KLHL22: variants seen among roughly 807,000 people sequenced by gnomAD.
The protein encoded by KLHL22 is kelch like family member 22, also known as kelch-like protein 22.
Under a neutral mutation model 60.7 loss-of-function variants are expected in KLHL22, and 18 were observed. The ratio of observed to expected loss-of-function variants is 0.30; its 90% CI spans 0.20 to 0.44. The LOEUF is 0.44. KLHL22 is among the 20% of genes least tolerant of loss of function. The pLI is 1.00. For missense variants in KLHL22, 596 were observed against 852.3 expected (o/e 0.70, Z 3.74); for synonymous variants, 355 against 354.5 (o/e 1.00, Z -0.01).
chr22:20,451,191 C>A, intron 5 of KLHL22: 1 of 1,596,952 alleles, frequency 6.3e-7, no homozygotes, highest in Non-Finnish European at 8.6e-7. Context: ...AGGATGGGGT[C>A]TGGTATTCTG....
intron 1 of KLHL22, chr22:20,491,580 C>CACAG (rs2053692387): frequency 6.6e-6 from 1 of 152,172 alleles, no homozygotes; most frequent in African/African-American, 2.4e-5. Flanking sequence ...GCAACTGTAA[C>CACAG]ACAATGGAAT....
intron 6 of KLHL22, among the ~76,000 whole-genome samples, chr22:20,443,747 C>T (rs2052806821): frequency 6.7e-6 from 1 of 148,178 alleles, no homozygotes; most frequent in Non-Finnish European, 1.5e-5. Context: ...AACAAACAAA[C>T]AAAAAAAGTG....
At chr22:20,490,135 C>T (rs1238765426) in intron 1 of KLHL22, among the ~76,000 whole-genome samples, 2 of 152,204 alleles carry the variant, frequency 1.3e-5, no homozygotes, top group Non-Finnish European at 2.9e-5. Flanking sequence ...GCTGCAGGCT[C>T]TGTAGGCACA....
intron 2 of KLHL22, among the ~76,000 whole-genome samples, chr22:20,476,912 G>A (rs2146257479): frequency 6.8e-6 from 1 of 146,142 alleles, no homozygotes; most frequent in South Asian, 2.2e-4. Flanking sequence ...TCACCATGTT[G>A]GTCAGACTGG....
chr22:20,479,065 G>A (rs922669598), intron 2 of KLHL22, among the ~76,000 whole-genome samples: 1 of 151,186 alleles, frequency 6.6e-6, no homozygotes, highest in Non-Finnish European at 1.5e-5. Flanking sequence ...GGAGGTGGAG[G>A]TTGCAGTGAG....
rs552539191 is a variant in KLHL22 at position 20,480,549 on chromosome 22, A to G, written c.227+8436T>C. ...CTGGTGTGAGATGGGGGAGAAAAAT[A>G]TTTCTTGGGTCAGCTTGTTCAGGTC... is the stretch of plus-strand genomic sequence containing the variant. On this transcript the variant is annotated intron_variant, in intron 2 of 6. Transcript: ENST00000328879. 1.1e-4 allele frequency among the ~76,000 whole-genome samples: 16 copies of G among 152,166 alleles called. No homozygotes were observed. The South Asian group carries it at 1.5e-3, about 14-fold the overall frequency.
intron 2 of KLHL22, chr22:20,488,453 GC>G: frequency 4.3e-5 from 7 of 163,530 alleles, no homozygotes; most frequent in South Asian, 1.6e-4. Context: ...CATGTCAGGT[GC>G]TAGGGATAAG....
chr22:20,445,131 G>A (rs780360132), intron 6 of KLHL22, among the ~76,000 whole-genome samples: 50 of 151,964 alleles, frequency 3.3e-4, no homozygotes, highest in Non-Finnish European at 6.3e-4. Context: ...AACATACACG[G>A]TCAATGCTGA....
At chr22:20,476,740 C>T (rs2053421471) in intron 2 of KLHL22, among the ~76,000 whole-genome samples, 1 of 109,432 alleles carries the variant, frequency 9.1e-6, no homozygotes, top group Non-Finnish European at 1.8e-5. Flanking sequence ...CAGAGTCTCG[C>T]TCTTGTTGCC....
chr22:20,488,097 C>T (rs1572877), intron 2 of KLHL22, among the ~76,000 whole-genome samples: 2 of 152,114 alleles, frequency 1.3e-5, no homozygotes, highest in South Asian at 4.2e-4. Flanking sequence ...GGCACTTAAA[C>T]CATACATATT....
At chr22:20,448,388 AT>A (rs2052913944) in intron 5 of KLHL22, among the ~76,000 whole-genome samples, 1 of 152,208 alleles carries the variant, frequency 6.6e-6, no homozygotes, top group South Asian at 2.1e-4. Context: ...GGTCCCCAGC[AT>A]TTCAGATAAA....
chr22:20,443,795 C>T (rs1307217146), intron 6 of KLHL22, among the ~76,000 whole-genome samples: 1 of 151,902 alleles, frequency 6.6e-6, no homozygotes, highest in Non-Finnish European at 1.5e-5. Context: ...CGCCTGTAAT[C>T]CTAGCACTTT....
chr22:20,483,568 C>T (rs2053539479), intron 2 of KLHL22: 4 of 726,508 alleles, frequency 5.5e-6, no homozygotes, highest in South Asian at 1.4e-5. Context: ...ATGTATGTCG[C>T]TCTCCACAGA....
At chr22:20,445,208 A>AT (rs57956195) in intron 6 of KLHL22, among the ~76,000 whole-genome samples, 8,563 of 120,448 alleles carry the variant, frequency 0.071, 316 homozygotes, top group Middle Eastern at 0.13. Context: ...ACCCTTCTCT[A>AT]TTTTTTTTTT....
chr22:20,490,435 G>T (rs1042596818), intron 1 of KLHL22, among the ~76,000 whole-genome samples: 1 of 151,996 alleles, frequency 6.6e-6, no homozygotes, highest in African/African-American at 2.4e-5. Flanking sequence ...AGTTCTGAAT[G>T]AAAAAAACAC....
intron 3 of KLHL22, among the ~76,000 whole-genome samples, chr22:20,470,345 T>C (rs1178450225): frequency 7.0e-6 from 1 of 143,048 alleles, no homozygotes; most frequent in Non-Finnish European, 1.5e-5. Flanking sequence ...TGAGACCCTG[T>C]CTTTAAAAAA....
chr22:20,450,892 C>T (rs1023034120), intron 5 of KLHL22: 2 of 1,612,578 alleles, frequency 1.2e-6, no homozygotes, highest in Non-Finnish European at 1.7e-6. Context: ...AAAGAAGTTT[C>T]ATCTGAGGCC....
At position 20,450,790 on chromosome 22, in the gene KLHL22, C is replaced by A. The variant is rs1034247443; in HGVS notation, c.1306-4114G>T. On this transcript the variant is annotated intron_variant, in intron 5 of 6. Transcript: ENST00000328879. Reference sequence around the variant, plus strand: ...CAGCCTGCTACAGTATATGCAGATGCCCCTGCTAACCCTCAGGTATATCAC... The same window carrying A: ...CAGCCTGCTACAGTATATGCAGATGACCCTGCTAACCCTCAGGTATATCAC... 33 of 1,382,974 alleles carry A rather than the reference C, an allele frequency of 2.4e-5. 1 individual carries two copies. In the East Asian group the frequency reaches 5.0e-4, roughly 21 times the overall value. The allele number at this position is 1,382,974 out of a possible 1,614,324, so 85.7% of individuals were successfully genotyped here. A position where few individuals can be genotyped will look rare whatever the true frequency, so the allele number is the denominator to read the frequency against.
chr22:20,475,475 C>T (rs2053396427), intron 2 of KLHL22, among the ~76,000 whole-genome samples: 1 of 152,008 alleles, frequency 6.6e-6, no homozygotes, highest in South Asian at 2.1e-4. Flanking sequence ...TGTTGATCCA[C>T]CTGTAATTTA....
Sources: gnomAD v4.1 joint callset for allele counts (sites outside exome capture counted in the v4.1 genomes callset) on GRCh38, gnomAD v4.1.1 for gene constraint, MANE v1.5 for transcripts, NCBI Gene and HGNC (gene_info 2026-07-23, HGNC 2026-07-21) for gene names.